MSGN1: variants seen among roughly 807,000 people sequenced by gnomAD.
The protein encoded by MSGN1 is mesogenin 1, also known as mesogenin-1.
A neutral mutation model predicts 10.1 loss-of-function variants in MSGN1; 3 were observed. The ratio of observed to expected loss-of-function variants is 0.30; its 90% CI spans 0.13 to 0.76. The LOEUF (loss-of-function observed/expected upper bound fraction) is 0.76. Among genes scored for constraint, MSGN1 ranks in the 30% least tolerant of loss-of-function variants. The probability of loss-of-function intolerance (pLI) is 0.67; values close to 1 mark genes in which losing one functional copy is unlikely to be tolerated. For missense variants in MSGN1, 244 were observed against 244.5 expected, an observed-to-expected ratio of 1.00 and a Z score of 0.01; for synonymous variants, 110 against 103.8, an observed-to-expected ratio of 1.06 and a Z score of -0.37.
chr2:17,816,988 A>G lies in MSGN1; in HGVS notation c.470A>G (p.Gln157Arg), dbSNP rs773861242. The G allele has an allele frequency of 6.2e-7, 1 of 1,614,200 alleles. No individual in the cohort carries two copies. The highest frequency in any genetic ancestry group is 8.5e-7 in the Non-Finnish European group (1 of 1,180,038). ...LRNYLPPVYS[Q>R]RGQPLTKIQT... ...AATTACCTGCCACCTGTCTACAGCC[A>G]GAGAGGCCAGCCTCTCACCAAGATC... Residue 157 changes from glutamine to arginine, a missense_variant, in exon 1 of 1, where the codon CAG (glutamine) becomes CGG (arginine). Transcript: ENST00000281047.
Position 17,816,984 on chromosome 2 carries a change from A to G in MSGN1, c.466A>G (p.Ser156Gly). The change falls in exon 1 of 1, where the codon AGC (serine) becomes GGC (glycine). Residue 156 changes from serine to glycine, a missense_variant. Transcript: ENST00000281047. ...CCGGAATTACCTGCCACCTGTCTAC[A>G]GCCAGAGAGGCCAGCCTCTCACCAA... ...TLRNYLPPVYSQRGQPLTKIQ... is the reference protein window; with the variant it reads ...TLRNYLPPVYGQRGQPLTKIQ... 1.2e-6 allele frequency: 2 copies of G among 1,614,206 alleles called. No homozygotes were observed. The highest frequency in any genetic ancestry group is 1.7e-6 in the Non-Finnish European group (2 of 1,180,036).
Position 17,817,110 on chromosome 2 carries a change from G to C in MSGN1, c.*10G>C, listed in dbSNP as rs1157182371. The C allele has an allele frequency of 6.2e-7, 1 of 1,606,828 alleles. No homozygotes were observed. The highest frequency in any genetic ancestry group is 1.1e-5 in the South Asian group (1 of 90,318). ...AGCCCAGAGCGCGTGAGCTCCATCC[G>C]GGGAAACTGACCGGTTCCAGCCTCC... On this transcript the variant is annotated 3_prime_UTR_variant, in exon 1 of 1. Transcript: ENST00000281047.
Position 17,817,059 on chromosome 2 carries a change from C to T in MSGN1, c.541C>T (p.Leu181Phe). ...TIKYIGELTD[L>F]LNRGREPRAQ... ...CAAGTACATCGGGGAACTCACAGAC[C>T]TCCTTAACCGCGGCAGAGAGCCCAG... The change falls in exon 1 of 1, where the codon CTC (leucine) becomes TTC (phenylalanine). Residue 181 changes from leucine to phenylalanine, a missense_variant. Leu to Phe is a conservative substitution (Grantham distance 22, BLOSUM62 0). Transcript: ENST00000281047. 1 of 1,613,774 alleles carries T rather than the reference C, an allele frequency of 6.2e-7. No individual in the cohort carries two copies. The highest frequency in any genetic ancestry group is 1.7e-4 in the Middle Eastern group (1 of 6,058).
chr2:17,816,620 G>A lies in MSGN1; in HGVS notation c.102G>A (p.Gly34=), dbSNP rs756535632. ...CCTGGGACTGGAAGGACAGGGCAGG[G>A]CCCTTTGAGCTGAATCAGGCCTCCC... is the stretch of plus-strand genomic sequence containing the variant. ...LSSWDWKDRA[G]PFELNQASPS... The change falls in exon 1 of 1, where the codon GGG becomes GGA. Residue 34 remains glycine, a synonymous_variant. Transcript: ENST00000281047. The A allele has an allele frequency of 1.2e-6, 2 of 1,614,228 alleles. No homozygotes were observed. Among genetic ancestry groups the A allele is most frequent in the Non-Finnish European group, 8.5e-7 (1 of 1,180,036 alleles).
Position 17,816,997 on chromosome 2 carries a change from A to G in MSGN1, c.479A>G (p.Gln160Arg). 6.2e-7 allele frequency: 1 copy of G among 1,614,182 alleles called. No homozygotes were observed. The highest frequency in any genetic ancestry group is 1.3e-5 in the African/African-American group (1 of 75,052). ...CCACCTGTCTACAGCCAGAGAGGCC[A>G]GCCTCTCACCAAGATCCAGACACTC... ...YLPPVYSQRG[Q>R]PLTKIQTLKY... The change falls in exon 1 of 1, where the codon CAG (glutamine) becomes CGG (arginine). Residue 160 changes from glutamine (Q) to arginine (R), a missense_variant. By Grantham distance (43) the Gln-to-Arg change is conservative (BLOSUM62 1). Coordinates refer to ENST00000281047, the MANE Select transcript of MSGN1 (RefSeq NM_001105569.3).
chr2:17,816,999 C>T lies in MSGN1; in HGVS notation c.481C>T (p.Pro161Ser). 1.9e-6 allele frequency: 3 copies of T among 1,614,212 alleles called. No homozygotes were observed. The highest frequency in any genetic ancestry group is 2.2e-5 in the East Asian group (1 of 44,888). ...LPPVYSQRGQ[P>S]LTKIQTLKYT... ...ACCTGTCTACAGCCAGAGAGGCCAG[C>T]CTCTCACCAAGATCCAGACACTCAA... The change falls in exon 1 of 1, where the codon CCT (proline) becomes TCT (serine). Residue 161 changes from proline (P) to serine (S), a missense_variant. Transcript: ENST00000281047.
At position 17,817,673 on chromosome 2, in the gene MSGN1, T is replaced by A. The variant is rs1374492689; in HGVS notation, c.*573T>A. On this transcript the variant is annotated 3_prime_UTR_variant, in exon 1 of 1. Transcript: ENST00000281047. ...AAAATCACTTAAATGCGGAAGGCAC[T>A]GGTGTCATGATAAATGGAAAGTCAC... Among the ~76,000 whole-genome samples the A allele has an allele frequency of 1.3e-5, 2 of 152,160 alleles. No homozygotes were observed. The highest frequency in any genetic ancestry group is 2.4e-5 in the African/African-American group (1 of 41,444).
Position 17,817,202 on chromosome 2 carries a change from T to G in MSGN1, c.*102T>G, listed in dbSNP as rs1673589790. ...TGAACAATGATCGGCGTAGAGTGATTTTTATGTAGTAAGCCTGATAATCTT... is the reference window on the plus strand; with the variant it reads ...TGAACAATGATCGGCGTAGAGTGATGTTTATGTAGTAAGCCTGATAATCTT... On this transcript the variant is annotated 3_prime_UTR_variant, in exon 1 of 1. Transcript: ENST00000281047. 1 of 958,714 alleles carries G rather than the reference T, an allele frequency of 1.0e-6. No individual in the cohort carries two copies. The highest frequency in any genetic ancestry group is 2.7e-5 in the Admixed American group (1 of 36,758). 59.4% of individuals were successfully genotyped at this position (958,714 alleles called of 1,614,324 possible).
Position 17,816,634 on chromosome 2 carries a change from A to G in MSGN1, c.116A>G (p.Asn39Ser), listed in dbSNP as rs2125208450. The G allele has an allele frequency of 6.2e-7, 1 of 1,614,230 alleles. No homozygotes were observed. Among genetic ancestry groups the G allele is most frequent in the Non-Finnish European group, 8.5e-7 (1 of 1,180,034 alleles). ...GACAGGGCAGGGCCCTTTGAGCTGA[A>G]TCAGGCCTCCCCCTCTCAGAGCCTT... ...WKDRAGPFEL[N>S]QASPSQSLSP... The change falls in exon 1 of 1, where the codon AAT becomes AGT. Residue 39 changes from asparagine to serine, a missense_variant. Asn to Ser is a conservative substitution (Grantham distance 46). Transcript: ENST00000281047.
Position 17,816,839 on chromosome 2 carries a change from C to A in MSGN1, c.321C>A (p.Gly107=). ...MLAFQPTHLQ[G]GGGPKAQKGT... ...CTTTCCAGCCCACCCACCTTCAGGG[C>A]GGTGGTGGCCCCAAGGCCCAGAAGG... Residue 107 remains glycine, a synonymous_variant, in exon 1 of 1, where the codon GGC becomes GGA. Coordinates refer to ENST00000281047, the MANE Select transcript of MSGN1 (RefSeq NM_001105569.3). 1 of 1,614,190 alleles carries A rather than the reference C, an allele frequency of 6.2e-7. No individual in the cohort carries two copies. The highest frequency in any genetic ancestry group is 8.5e-7 in the Non-Finnish European group (1 of 1,180,012).
rs377551837 is a variant in MSGN1 at position 17,816,857 on chromosome 2, C to T, written c.339C>T (p.Ala113=). 1.2e-6 allele frequency: 2 copies of T among 1,614,192 alleles called. No individual in the cohort carries two copies. The highest frequency in any genetic ancestry group is 1.7e-6 in the Non-Finnish European group (2 of 1,180,024). The change falls in exon 1 of 1, where the codon GCC becomes GCT. Residue 113 remains alanine, a synonymous_variant. Transcript: ENST00000281047. ...THLQGGGGPK[A]QKGTKVRMSV... is the part of the protein sequence containing the mutation. ...TTCAGGGCGGTGGTGGCCCCAAGGC[C>T]CAGAAGGGCACCAAAGTCAGGATGT...
rs768428754 is a variant in MSGN1, at chr2:17,816,647, C to A, written c.129C>A (p.Pro43=). 1 of 1,614,154 alleles carries A rather than the reference C, an allele frequency of 6.2e-7. No homozygotes were observed. The highest frequency in any genetic ancestry group is 1.3e-5 in the African/African-American group (1 of 74,946). The change falls in exon 1 of 1, where the codon CCC becomes CCA. Residue 43 remains proline, a synonymous_variant. Transcript: ENST00000281047. ...AGPFELNQAS[P]SQSLSPAPSL... is the part of the protein sequence containing the mutation. The stretch of plus-strand genomic sequence containing the variant: ...CCTTTGAGCTGAATCAGGCCTCCCC[C>A]TCTCAGAGCCTTTCCCCGGCTCCAT...
In MSGN1 at chr2:17,816,538, C is replaced by G. The variant is rs1312119624; in HGVS notation, c.20C>G (p.Thr7Ser). The G allele has an allele frequency of 6.3e-7, 1 of 1,592,378 alleles. No individual in the cohort carries two copies. Among genetic ancestry groups the G allele is most frequent in the African/African-American group, 1.3e-5 (1 of 74,302 alleles). The change falls in exon 1 of 1, where the codon ACT (threonine) becomes AGT (serine). Residue 7 changes from threonine to serine, a missense_variant. Coordinates refer to ENST00000281047, the MANE Select transcript of MSGN1 (RefSeq NM_001105569.3). MDNLRE[T>S]FLSLEDGLGS... ...GCAGGCATGGACAACCTGCGCGAGA[C>G]TTTCCTCAGCCTCGAGGATGGCTTG...
chr2:17,816,840 G>A lies in MSGN1; in HGVS notation c.322G>A (p.Gly108Ser), dbSNP rs1004595252. 9 of 1,614,102 alleles carry A rather than the reference G, an allele frequency of 5.6e-6. No homozygotes were observed. Among genetic ancestry groups the A allele is most frequent in the Admixed American group, 3.3e-5 (2 of 60,012 alleles). ...LAFQPTHLQG[G>S]GGPKAQKGTK... The stretch of plus-strand genomic sequence containing the variant: ...TTTCCAGCCCACCCACCTTCAGGGC[G>A]GTGGTGGCCCCAAGGCCCAGAAGGG... Residue 108 changes from glycine (G) to serine (S), a missense_variant, in exon 1 of 1, where the codon GGT becomes AGT. Gly to Ser is a moderately conservative substitution (Grantham distance 56). Transcript: ENST00000281047.
At position 17,816,619 on chromosome 2, in the gene MSGN1, G is replaced by A; in HGVS notation, c.101G>A (p.Gly34Glu). ...TCCTGGGACTGGAAGGACAGGGCAGGGCCCTTTGAGCTGAATCAGGCCTCC... is the reference window on the plus strand; with the variant it reads ...TCCTGGGACTGGAAGGACAGGGCAGAGCCCTTTGAGCTGAATCAGGCCTCC... The part of the protein sequence containing the change: ...LSSWDWKDRA[G>E]PFELNQASPS... The change falls in exon 1 of 1, where the codon GGG becomes GAG. Residue 34 changes from glycine to glutamate, a missense_variant. By Grantham distance (98) the Gly-to-Glu change is moderately conservative. Transcript: ENST00000281047. 6.2e-7 allele frequency: 1 copy of A among 1,614,232 alleles called. No homozygotes were observed. The highest frequency in any genetic ancestry group is 8.5e-7 in the Non-Finnish European group (1 of 1,180,044).
Position 17,817,708 on chromosome 2 carries a change from G to T in MSGN1, c.*608G>T, listed in dbSNP as rs1022968666. ...ATAAATGGAAAGTCACAGGCAGACAGGCTAAGTTAAGACAGTGAAGATTCC... is the reference window on the plus strand; with the variant it reads ...ATAAATGGAAAGTCACAGGCAGACATGCTAAGTTAAGACAGTGAAGATTCC... On this transcript the variant is annotated 3_prime_UTR_variant, in exon 1 of 1. Transcript: ENST00000281047. 3.3e-5 allele frequency among the ~76,000 whole-genome samples: 5 copies of T among 152,180 alleles called. No homozygotes were observed. The highest frequency in any genetic ancestry group is 1.2e-4 in the African/African-American group (5 of 41,444).
chr2:17,817,091 G>A lies in MSGN1; in HGVS notation c.573G>A (p.Gln191=), dbSNP rs1396904619. 1.2e-6 allele frequency: 2 copies of A among 1,611,954 alleles called. No homozygotes were observed. The highest frequency in any genetic ancestry group is 1.7e-6 in the Non-Finnish European group (2 of 1,178,474). ...ACCGCGGCAGAGAGCCCAGAGCCCA[G>A]AGCGCGTGAGCTCCATCCGGGGAAA... is the stretch of plus-strand genomic sequence containing the variant. ...LLNRGREPRA[Q]SA Residue 191 remains glutamine (Q), a synonymous_variant, in exon 1 of 1, where the codon CAG becomes CAA. Coordinates refer to ENST00000281047, the MANE Select transcript of MSGN1 (RefSeq NM_001105569.3).
At position 17,817,293 on chromosome 2, in the gene MSGN1, C is replaced by T. The variant is rs2125208852; in HGVS notation, c.*193C>T. On this transcript the variant is annotated 3_prime_UTR_variant, in exon 1 of 1. Coordinates refer to ENST00000281047, the MANE Select transcript of MSGN1 (RefSeq NM_001105569.3). ...TGGACCCACCAGAACACTTACCTGCCAGATGAGCAGAGACTTTCACCTCCA... is the reference window on the plus strand; with the variant it reads ...TGGACCCACCAGAACACTTACCTGCTAGATGAGCAGAGACTTTCACCTCCA... Among the ~76,000 whole-genome samples, 1 of 152,330 alleles carries T rather than the reference C, an allele frequency of 6.6e-6. No individual in the cohort carries two copies. Among genetic ancestry groups the T allele is most frequent in the Middle Eastern group, 3.4e-3 (1 of 294 alleles).
In MSGN1 at chr2:17,817,069, G is replaced by T; in HGVS notation, c.551G>T (p.Arg184Leu). The change falls in exon 1 of 1, where the codon CGC becomes CTC. Residue 184 changes from arginine to leucine, a missense_variant. Physicochemically the swap from Arg to Leu is moderately radical, Grantham distance 102. Coordinates refer to ENST00000281047, the MANE Select transcript of MSGN1 (RefSeq NM_001105569.3). The stretch of plus-strand genomic sequence containing the variant: ...GGGGAACTCACAGACCTCCTTAACC[G>T]CGGCAGAGAGCCCAGAGCCCAGAGC... ...YIGELTDLLNRGREPRAQSA is the reference protein window; with the variant it reads ...YIGELTDLLNLGREPRAQSA 3 of 1,613,618 alleles carry T rather than the reference G, an allele frequency of 1.9e-6. No individual in the cohort carries two copies. The highest frequency in any genetic ancestry group is 1.1e-5 in the South Asian group (1 of 91,042).
Sources: allele counts gnomAD v4.1 joint callset (sites outside exome capture counted in the v4.1 genomes callset), GRCh38; gene constraint gnomAD v4.1.1; transcripts MANE v1.5; gene names NCBI Gene and HGNC (gene_info 2026-07-23, HGNC 2026-07-21).